Variants in EXOC4 observed in about 807,000 individuals in gnomAD.
EXOC4 encodes the protein SEC8-like 1.
Under a neutral mutation model 107.2 loss-of-function variants are expected in EXOC4, and 71 were observed. That is an observed-to-expected ratio of 0.66 (90% CI 0.55 to 0.81). The LOEUF is 0.81. Ranked by LOEUF, EXOC4 falls within the 30% of genes least tolerant of loss-of-function variation. EXOC4 has a pLI of 0.00. For synonymous variants in EXOC4, 456 were observed against 441.2 expected (o/e 1.03, Z -0.42); for missense variants, 1,108 against 1,189.6 (o/e 0.93, Z 1.01).
intron 7 of EXOC4, among the ~76,000 whole-genome samples, chr7:133,468,009 A>G (rs1184399693): frequency 1.3e-5 from 2 of 152,160 alleles, no homozygotes; most frequent in East Asian, 3.8e-4. Flanking sequence ...TATATCTAGC[A>G]CAATACTTTG....
intron 3 of EXOC4, among the ~76,000 whole-genome samples, chr7:133,305,297 A>G (rs1584795190): frequency 6.6e-6 from 1 of 152,104 alleles, no homozygotes; most frequent in Non-Finnish European, 1.5e-5. Flanking sequence ...TCTTCTATCA[A>G]ACTGAATCAG....
intron 7 of EXOC4, among the ~76,000 whole-genome samples, chr7:133,399,560 G>C (rs1200671537): frequency 6.6e-6 from 1 of 152,164 alleles, no homozygotes; most frequent in Non-Finnish European, 1.5e-5. Context: ...ACTAATTTCT[G>C]TATGTTCCAA....
At position 133,947,833 on chromosome 7, in the gene EXOC4, G is replaced by T. The variant is rs75696977; in HGVS notation, c.2206+9764G>T. Among the ~76,000 whole-genome samples the T allele has an allele frequency of 5.3e-3, 802 of 152,290 alleles. 10 individuals carry two copies. The highest frequency in any genetic ancestry group is 0.018 in the African/African-American group (767 of 41,558). On this transcript the variant is annotated intron_variant, in intron 14 of 17. Transcript: ENST00000253861. ...TTTATTAAAATATGATAATATCATG[G>T]ATGCTTAAGTGTGGTGGCTGGAAGC...
At chr7:133,772,046 T>A (rs1796254010) in intron 10 of EXOC4, among the ~76,000 whole-genome samples, 1 of 152,012 alleles carries the variant, frequency 6.6e-6, no homozygotes. Context: ...TTCTAATACA[T>A]TTCTGGGAAG....
At chr7:133,995,709 C>CT (rs938075559) in intron 14 of EXOC4, among the ~76,000 whole-genome samples, 66 of 151,702 alleles carry the variant, frequency 4.4e-4, no homozygotes, top group African/African-American at 1.5e-3. Context: ...GAACTACATT[C>CT]TTTTTTTTTA....
intron 11 of EXOC4, among the ~76,000 whole-genome samples, chr7:133,833,796 C>T (rs758176970): frequency 2.4e-4 from 36 of 152,306 alleles, no homozygotes; most frequent in Non-Finnish European, 4.9e-4. Flanking sequence ...AACTCCTGGG[C>T]TCAAGCGATC....
intron 9 of EXOC4, among the ~76,000 whole-genome samples, chr7:133,541,030 G>A (rs913524119): frequency 3.3e-5 from 5 of 152,068 alleles, no homozygotes; most frequent in African/African-American, 1.2e-4. Flanking sequence ...AAGGAAAACC[G>A]TGGCACATCT....
chr7:133,635,287 C>G (rs1802682153), intron 10 of EXOC4, among the ~76,000 whole-genome samples: 1 of 152,094 alleles, frequency 6.6e-6, no homozygotes, highest in African/African-American at 2.4e-5. Flanking sequence ...GTAGTCTTTT[C>G]AGGAAATTTG....
chr7:134,002,402 G>C (rs1481482146), intron 15 of EXOC4, among the ~76,000 whole-genome samples: 1 of 152,058 alleles, frequency 6.6e-6, no homozygotes, highest in Non-Finnish European at 1.5e-5. Context: ...AAATTTTTAT[G>C]ATCTTTTTTA....
intron 14 of EXOC4, among the ~76,000 whole-genome samples, chr7:133,991,753 T>C (rs933867610): frequency 1.3e-5 from 2 of 152,156 alleles, no homozygotes; most frequent in African/African-American, 4.8e-5. Flanking sequence ...TCAAAATGAA[T>C]TGGCTGTTAA....
At chr7:134,027,072 C>A (rs545643420) in intron 17 of EXOC4, among the ~76,000 whole-genome samples, 2 of 152,148 alleles carry the variant, frequency 1.3e-5, no homozygotes, top group South Asian at 4.2e-4. Flanking sequence ...ATAAAACTAT[C>A]AAGGTGATTG....
intron 12 of EXOC4, among the ~76,000 whole-genome samples, chr7:133,909,586 ATCATTTGGG>A (rs1441346903): frequency 2.6e-5 from 4 of 152,294 alleles, no homozygotes; most frequent in Non-Finnish European, 5.9e-5. Context: ...GAGGGGTCGG[ATCATTTGGG>A]TCATTTCTGG....
intron 17 of EXOC4, among the ~76,000 whole-genome samples, chr7:134,034,381 A>G (rs1387308272): frequency 6.6e-6 from 1 of 152,234 alleles, no homozygotes; most frequent in East Asian, 1.9e-4. Flanking sequence ...AGAGGCCTCA[A>G]GGCTGTGATA....
At chr7:133,621,071 G>A (rs1405825528) in intron 9 of EXOC4, among the ~76,000 whole-genome samples, 1 of 152,142 alleles carries the variant, frequency 6.6e-6, no homozygotes, top group African/African-American at 2.4e-5. Context: ...GAAACATTGG[G>A]CACTGCTGCT....
At chr7:133,899,745 C>CTTTTTTTTTT (rs35095963) in intron 12 of EXOC4, among the ~76,000 whole-genome samples, 1 of 86,232 alleles carries the variant, frequency 1.2e-5, no homozygotes, top group African/African-American at 5.7e-5. Context: ...CAGATGTACT[C>CTTTTTTTTTT]TTTTTTTTTT....
intron 11 of EXOC4, among the ~76,000 whole-genome samples, chr7:133,856,569 A>C (rs1178737936): frequency 6.6e-6 from 1 of 152,196 alleles, no homozygotes; most frequent in Non-Finnish European, 1.5e-5. Context: ...AAATGTGTTG[A>C]ATGAATAAAT....
intron 9 of EXOC4, among the ~76,000 whole-genome samples, chr7:133,556,726 T>A (rs2150946704): frequency 6.6e-6 from 1 of 152,286 alleles, no homozygotes; most frequent in Non-Finnish European, 1.5e-5. Flanking sequence ...AAGGCACTAA[T>A]GGAATATTTT....
At position 133,356,539 on chromosome 7, in the gene EXOC4, C is replaced by CG. The variant is rs1563033105; in HGVS notation, c.979dup (p.Glu327GlyfsTer21). 2 of 1,613,932 alleles carry CG rather than the reference C, an allele frequency of 1.2e-6. No homozygotes were observed. Among genetic ancestry groups the CG allele is most frequent in the South Asian group, 1.1e-5 (1 of 91,074 alleles). On this transcript the variant is annotated frameshift_variant, in exon 6 of 18. Transcript: ENST00000253861. LOFTEE classifies it high-confidence loss of function. The stretch of plus-strand genomic sequence containing the variant: ...CCAGGTGGCAGACAGTGGCTATCAG[C>CG]GGGGGGAGAACGTTACTGTGGAGAA...
At chr7:134,011,266 C>A (rs1794756099) in intron 17 of EXOC4, among the ~76,000 whole-genome samples, 1 of 152,150 alleles carries the variant, frequency 6.6e-6, no homozygotes, top group South Asian at 2.1e-4. Context: ...CAAGAGAGGT[C>A]TGAACGAACG....
Sources: allele counts gnomAD v4.1 joint callset (sites outside exome capture counted in the v4.1 genomes callset), GRCh38; gene constraint gnomAD v4.1.1; transcripts MANE v1.5; gene names NCBI Gene and HGNC (gene_info 2026-07-23, HGNC 2026-07-21).